The following ADK variants were observed in gnomAD, a reference collection of about 807,000 sequenced individuals.
ADK encodes the protein N6,N6-dimethyladenosine kinase.
A neutral mutation model predicts 44.7 loss-of-function variants in ADK; 24 were observed. That is an observed-to-expected ratio of 0.54 (90% CI 0.39 to 0.76). ADK has a LOEUF of 0.76. ADK is among the 30% of genes least tolerant of loss of function. ADK has a pLI of 0.00. For missense variants in ADK, 321 were observed against 425.1 expected (o/e 0.76, Z 2.15); for synonymous variants, 128 against 142.6 (o/e 0.90, Z 0.73).
At chr10:74,327,592 T>C (rs1378493782) in intron 4 of ADK, among the ~76,000 whole-genome samples, 1 of 152,178 alleles carries the variant, frequency 6.6e-6, no homozygotes, top group Non-Finnish European at 1.5e-5. Flanking sequence ...AGTGGGGTGC[T>C]GAAGTTTCCT....
chr10:74,170,565 G>A (rs893135632), intron 1 of ADK, among the ~76,000 whole-genome samples: 3 of 151,988 alleles, frequency 2.0e-5, no homozygotes, highest in Admixed American at 6.6e-5. Flanking sequence ...TTGGGAGGCC[G>A]AGGCAGGCGG....
chr10:74,548,903 A>G (rs1849931698), intron 7 of ADK, among the ~76,000 whole-genome samples: 3 of 152,232 alleles, frequency 2.0e-5, no homozygotes, highest in Admixed American at 6.5e-5. Flanking sequence ...TTTCCATGAA[A>G]GTGGAAAACC....
At chr10:74,280,943 T>A (rs1451106190) in intron 3 of ADK, among the ~76,000 whole-genome samples, 1 of 152,206 alleles carries the variant, frequency 6.6e-6, no homozygotes, top group Non-Finnish European at 1.5e-5. Context: ...ACTCAGTTAA[T>A]CAAGTTGAGA....
chr10:74,283,365 A>G (rs773836354), intron 3 of ADK, among the ~76,000 whole-genome samples: 1 of 151,430 alleles, frequency 6.6e-6, no homozygotes, highest in Non-Finnish European at 1.5e-5. Context: ...TACTCTCTAT[A>G]TACAGCCTGA....
intron 4 of ADK, among the ~76,000 whole-genome samples, chr10:74,321,118 A>C (rs1055480054): frequency 3.3e-5 from 5 of 152,194 alleles, no homozygotes; most frequent in African/African-American, 9.6e-5. Flanking sequence ...TAACTTACCT[A>C]TAGTATTTTT....
chr10:74,676,302 G>A (rs983976514), intron 10 of ADK, among the ~76,000 whole-genome samples: 4 of 151,828 alleles, frequency 2.6e-5, no homozygotes, highest in Admixed American at 6.6e-5. Flanking sequence ...GCTAATTTTT[G>A]TATTTTTAGT....
intron 4 of ADK, among the ~76,000 whole-genome samples, chr10:74,319,302 C>T (rs893250934): frequency 5.3e-5 from 8 of 152,196 alleles, no homozygotes; most frequent in Non-Finnish European, 1.0e-4. Context: ...GATTTATTTT[C>T]TCACAGTGTT....
intron 1 of ADK, among the ~76,000 whole-genome samples, chr10:74,153,952 G>T (rs74735887): frequency 0.037 from 5,559 of 152,118 alleles, 290 homozygotes; most frequent in African/African-American, 0.12. Flanking sequence ...GATATATATA[G>T]AGAGAGAAAG....
chr10:74,284,382 A>G (rs1247015724), intron 3 of ADK, among the ~76,000 whole-genome samples: 1 of 149,554 alleles, frequency 6.7e-6, no homozygotes, highest in Non-Finnish European at 1.5e-5. Context: ...CTCCTGCCTC[A>G]GCCTCCCAAG....
chr10:74,451,916 T>C (rs1396765724), intron 6 of ADK, among the ~76,000 whole-genome samples: 3 of 152,002 alleles, frequency 2.0e-5, no homozygotes, highest in Non-Finnish European at 4.4e-5. Flanking sequence ...TTCCTGTATT[T>C]GGTATTTTGG....
chr10:74,693,660 G>T (rs117387748), intron 10 of ADK, among the ~76,000 whole-genome samples: 2 of 152,170 alleles, frequency 1.3e-5, no homozygotes, highest in Admixed American at 1.3e-4. Context: ...TATAGCTTCT[G>T]TAAGAGGAAG....
chr10:74,602,449 A>G (rs1350754923), intron 9 of ADK, among the ~76,000 whole-genome samples: 2 of 152,166 alleles, frequency 1.3e-5, no homozygotes, highest in East Asian at 1.9e-4. Context: ...AAGTCTTTGT[A>G]TATTCTAGAT....
chr10:74,706,876 G>A (rs1222138688), intron 10 of ADK, among the ~76,000 whole-genome samples: 1 of 152,050 alleles, frequency 6.6e-6, no homozygotes, highest in Non-Finnish European at 1.5e-5. Context: ...AACACTTTAT[G>A]TCTATTTATT....
At chr10:74,193,331 T>A (rs1414301518) in intron 1 of ADK, among the ~76,000 whole-genome samples, 1 of 152,144 alleles carries the variant, frequency 6.6e-6, no homozygotes, top group African/African-American at 2.4e-5. Context: ...ACATGTGCCA[T>A]GTTGGTGTGC....
rs574444272 is a variant in ADK at position 74,200,923 on chromosome 10, C to T, written c.140+85C>T. The T allele has an allele frequency of 2.2e-5, 20 of 914,578 alleles. 1 individual carries two copies. The highest frequency in any genetic ancestry group is 1.8e-4 in the African/African-American group (11 of 60,828). The allele number at this position is 914,578 out of a possible 1,614,324, so 56.7% of individuals were successfully genotyped here. A position where few individuals can be genotyped will look rare whatever the true frequency, so the allele number is the denominator to read the frequency against. ...AAAACTTTAGAAGTGAATTTACCAC[C>T]GAATGTCTTCAATTAAAGGAAAACT... On this transcript the variant is annotated intron_variant, in intron 2 of 10. Transcript: ENST00000539909.
intron 3 of ADK, among the ~76,000 whole-genome samples, chr10:74,256,972 A>G (rs191674969): frequency 3.9e-5 from 6 of 152,290 alleles, no homozygotes; most frequent in Admixed American, 2.6e-4. Context: ...TTCTCATAAT[A>G]TGTGTAAACC....
At chr10:74,403,721 T>C (rs1044397040) in intron 6 of ADK, among the ~76,000 whole-genome samples, 5 of 152,168 alleles carry the variant, frequency 3.3e-5, no homozygotes, top group African/African-American at 1.2e-4. Context: ...CCCGCCCTGC[T>C]TTGGCTCACA....
intron 2 of ADK, among the ~76,000 whole-genome samples, chr10:74,223,349 A>G (rs1012778710): frequency 6.6e-6 from 1 of 152,134 alleles, no homozygotes. Context: ...AGCTCTCATG[A>G]TCCAATTACT....
At chr10:74,279,144 T>C (rs750658390) in intron 3 of ADK, among the ~76,000 whole-genome samples, 1 of 151,504 alleles carries the variant, frequency 6.6e-6, no homozygotes, top group Admixed American at 6.6e-5. Context: ...CCGGGCGTAG[T>C]GGTGGGCGCC....
Sources: gnomAD v4.1 joint callset for allele counts (sites outside exome capture counted in the v4.1 genomes callset) on GRCh38, gnomAD v4.1.1 for gene constraint, MANE v1.5 for transcripts, NCBI Gene and HGNC (gene_info 2026-07-23, HGNC 2026-07-21) for gene names.